The following BABAM2 variants were observed in gnomAD, a reference collection of about 807,000 sequenced individuals.
BABAM2 encodes BRISC and BRCA1-A complex member 2.
A neutral mutation model predicts 54.7 loss-of-function variants in BABAM2; 31 were observed. The ratio of observed to expected loss-of-function variants is 0.57; its 90% CI spans 0.43 to 0.77. BABAM2 has a LOEUF of 0.77. BABAM2 is among the 30% of genes least tolerant of loss of function. The probability of loss-of-function intolerance (pLI) is 0.00; values close to 1 mark genes in which losing one functional copy is unlikely to be tolerated. For synonymous variants in BABAM2, 167 were observed against 162.9 expected (o/e 1.03, Z -0.19); for missense variants, 364 against 455.8 (o/e 0.80, Z 1.83).
chr2:28,164,467 T>G (rs1380995714), intron 7 of BABAM2, among the ~76,000 whole-genome samples: 1 of 152,076 alleles, frequency 6.6e-6, no homozygotes, highest in Non-Finnish European at 1.5e-5. Flanking sequence ...GGCTCTGTCA[T>G]GTTCCGAGTG....
At chr2:28,016,656 C>T (rs73923982) in intron 4 of BABAM2, among the ~76,000 whole-genome samples, 1 of 152,352 alleles carries the variant, frequency 6.6e-6, no homozygotes, top group African/African-American at 2.4e-5. Flanking sequence ...TCTCATCAGA[C>T]TCTATAGGCT....
At chr2:28,040,376 C>A (rs1413709135) in intron 5 of BABAM2, among the ~76,000 whole-genome samples, 1 of 135,156 alleles carries the variant, frequency 7.4e-6, no homozygotes, top group Non-Finnish European at 1.5e-5. Flanking sequence ...TCTCGGCTCA[C>A]TGCAAGCTCC....
rs1375423070 is a variant in BABAM2 at position 28,171,095 on chromosome 2, T to C, written c.680+41715T>C. 7.1e-5 allele frequency among the ~76,000 whole-genome samples: 10 copies of C among 140,882 alleles called. No homozygotes were observed. The Admixed American group carries it at 7.2e-4, about 10-fold the overall frequency. The allele number at this position is 140,882 out of a possible 152,430, so 92.4% of individuals were successfully genotyped here. A position where few individuals can be genotyped will look rare whatever the true frequency, so the allele number is the denominator to read the frequency against. ...TGGTAGCATGCTGTACATACTACGT[T>C]GCAGTCTGCTTTTTAAAATATATAT... On this transcript the variant is annotated intron_variant, in intron 7 of 11. Coordinates refer to ENST00000379624, the MANE Select transcript of BABAM2 (RefSeq NM_199191.3).
chr2:28,110,623 CA>C (rs965124971), intron 6 of BABAM2, among the ~76,000 whole-genome samples: 5 of 147,562 alleles, frequency 3.4e-5, no homozygotes, highest in Admixed American at 6.8e-5. Context: ...GACTCCATCT[CA>C]AAAAAAAATA....
At chr2:28,327,225 T>A in intron 11 of BABAM2, 1 of 1,554,266 alleles carries the variant, frequency 6.4e-7, no homozygotes, top group Non-Finnish European at 8.7e-7. Flanking sequence ...TCCCTCCATT[T>A]AGCCAGCTGG....
chr2:27,914,284 A>G (rs1349369260), intron 2 of BABAM2, among the ~76,000 whole-genome samples: 2 of 152,122 alleles, frequency 1.3e-5, no homozygotes, highest in African/African-American at 4.8e-5. Context: ...TTCTACATTG[A>G]CCTGAAACCC....
chr2:28,113,871 T>G (rs10165870), intron 6 of BABAM2, among the ~76,000 whole-genome samples: 48 of 152,216 alleles, frequency 3.2e-4, no homozygotes, highest in Admixed American at 1.8e-3. Context: ...ACATCCCTTG[T>G]AAGTTGTATT....
In BABAM2 at chr2:28,013,730, CGT is replaced by C. The variant is rs1553411800; in HGVS notation, c.301-11485_301-11484del. 2.9e-3 allele frequency among the ~76,000 whole-genome samples: 397 copies of C among 136,900 alleles called. 1 individual carries two copies. The highest frequency in any genetic ancestry group is 9.6e-3 in the African/African-American group (340 of 35,446). The allele number at this position is 136,900 out of a possible 152,430, so 89.8% of individuals were successfully genotyped here. A position where few individuals can be genotyped will look rare whatever the true frequency, so the allele number is the denominator to read the frequency against. ...ACACACACACACACACACACACACA[CGT>C]GTGTGTGTGTACACGTGGCTCACAG... On this transcript the variant is annotated intron_variant, in intron 4 of 11. Coordinates refer to ENST00000379624, the MANE Select transcript of BABAM2 (RefSeq NM_199191.3).
At chr2:28,095,983 TAA>T (rs1245983282) in intron 6 of BABAM2, among the ~76,000 whole-genome samples, 1 of 152,206 alleles carries the variant, frequency 6.6e-6, no homozygotes, top group African/African-American at 2.4e-5. Flanking sequence ...TAAATATTTC[TAA>T]GAGTCAAACA....
intron 10 of BABAM2, among the ~76,000 whole-genome samples, chr2:28,256,693 CTTT>C (rs34881415): frequency 8.1e-6 from 1 of 122,794 alleles, no homozygotes. Context: ...TGGCTCACTT[CTTT>C]TTTTTTTTTT....
intron 6 of BABAM2, among the ~76,000 whole-genome samples, chr2:28,082,506 A>G (rs531875815): frequency 6.6e-6 from 1 of 152,278 alleles, no homozygotes. Context: ...ATGCCTTTGT[A>G]TCCTCTTCTC....
At chr2:28,261,559 C>T (rs1018754448) in intron 10 of BABAM2, among the ~76,000 whole-genome samples, 6 of 151,246 alleles carry the variant, frequency 4.0e-5, no homozygotes, top group African/African-American at 1.5e-4. Flanking sequence ...AGGATGGTGT[C>T]GATCTCCTGA....
chr2:28,071,045 C>T (rs1664091263), intron 6 of BABAM2, among the ~76,000 whole-genome samples: 1 of 152,030 alleles, frequency 6.6e-6, no homozygotes, highest in Non-Finnish European at 1.5e-5. Context: ...ATAAGATCTG[C>T]CCCAAATGTC....
intron 6 of BABAM2, among the ~76,000 whole-genome samples, chr2:28,064,822 T>C (rs1679175690): frequency 6.6e-6 from 1 of 152,038 alleles, no homozygotes; most frequent in African/African-American, 2.4e-5. Flanking sequence ...GCCAACATGG[T>C]GAAACCTCTT....
intron 11 of BABAM2, chr2:28,310,316 G>A (rs770644067): frequency 1.6e-5 from 11 of 687,528 alleles, no homozygotes; most frequent in East Asian, 5.6e-5. Flanking sequence ...CACCAGGCAC[G>A]GAGTGTTTAC....
chr2:28,285,817 G>A (rs184121373), intron 10 of BABAM2, among the ~76,000 whole-genome samples: 3 of 151,778 alleles, frequency 2.0e-5, no homozygotes, highest in African/African-American at 7.3e-5. Flanking sequence ...CGATCCTCCC[G>A]CCTAGGCTCC....
chr2:28,013,105 C>T (rs1044986987), intron 4 of BABAM2, among the ~76,000 whole-genome samples: 1 of 152,124 alleles, frequency 6.6e-6, no homozygotes, highest in Non-Finnish European at 1.5e-5. Flanking sequence ...CAAGAAGGGA[C>T]ATCACAGGCT....
At chr2:28,260,427 G>A (rs2148130735) in intron 10 of BABAM2, among the ~76,000 whole-genome samples, 1 of 147,050 alleles carries the variant, frequency 6.8e-6, no homozygotes, top group South Asian at 2.1e-4. Context: ...TTAGCCTCCT[G>A]AGTAGCTGGG....
intron 7 of BABAM2, among the ~76,000 whole-genome samples, chr2:28,219,178 C>T (rs1159110351): frequency 2.0e-5 from 3 of 152,190 alleles, no homozygotes; most frequent in African/African-American, 7.2e-5. Flanking sequence ...AATCTGTTTC[C>T]TTACTCTTTC....
Sources: allele counts gnomAD v4.1 joint callset (sites outside exome capture counted in the v4.1 genomes callset), GRCh38; gene constraint gnomAD v4.1.1; transcripts MANE v1.5; gene names NCBI Gene and HGNC (gene_info 2026-07-23, HGNC 2026-07-21).